The following GALNTL6 variants were observed in gnomAD, a reference collection of about 807,000 sequenced individuals.
GALNTL6 encodes the protein polypeptide N-acetylgalactosaminyltransferase-like 6.
In GALNTL6, 46 loss-of-function variants were observed where a neutral mutation model predicts 73.7. That is an observed-to-expected ratio of 0.62 (90% confidence interval 0.49 to 0.80). The LOEUF is 0.80. Ranked by LOEUF, GALNTL6 falls within the 30% of genes least tolerant of loss-of-function variation. The probability of loss-of-function intolerance (pLI) is 0.00; values close to 1 mark genes in which losing one functional copy is unlikely to be tolerated. For synonymous variants in GALNTL6, 259 were observed against 263.7 expected, an observed-to-expected ratio of 0.98 and a Z score of 0.17; for missense variants, 604 against 755.0, an observed-to-expected ratio of 0.80 and a Z score of 2.34.
intron 5 of GALNTL6, among the ~76,000 whole-genome samples, chr4:172,433,131 T>C (rs190085595): frequency 1.5e-3 from 229 of 152,296 alleles, no homozygotes; most frequent in Non-Finnish European, 1.7e-3. Flanking sequence ...GAATCACAGA[T>C]TATTTCAGGG....
intron 5 of GALNTL6, among the ~76,000 whole-genome samples, chr4:172,787,462 C>T (rs1015916301): frequency 6.6e-6 from 1 of 152,162 alleles, no homozygotes; most frequent in Non-Finnish European, 1.5e-5. Context: ...ATAATAAACG[C>T]TCATTAGGCC....
At chr4:172,222,462 T>C (rs1736710385) in intron 2 of GALNTL6, among the ~76,000 whole-genome samples, 1 of 151,906 alleles carries the variant, frequency 6.6e-6, no homozygotes, top group Admixed American at 6.6e-5. Context: ...ACCCTGTAAT[T>C]TGTGTGGTTA....
intron 5 of GALNTL6, among the ~76,000 whole-genome samples, chr4:172,525,549 A>G (rs1254730612): frequency 6.6e-6 from 1 of 152,164 alleles, no homozygotes; most frequent in Non-Finnish European, 1.5e-5. Flanking sequence ...TATATCCAGC[A>G]TATTACCTCC....
chr4:172,787,916 GATC>G lies in GALNTL6; in HGVS notation c.554-21441_554-21439del, dbSNP rs1739751828. Among the ~76,000 whole-genome samples the G allele has an allele frequency of 2.0e-5, 3 of 152,116 alleles. No individual in the cohort carries two copies. The South Asian group carries it at 6.2e-4, about 32-fold the overall frequency. ...AGATCACAGAACATTAAAGAATAAA[GATC>G]ATCTTTTCAATAATTTTAGAGACAA... is the stretch of plus-strand genomic sequence containing the variant. On this transcript the variant is annotated intron_variant, in intron 5 of 12. Transcript: ENST00000506823.
At chr4:172,248,648 C>A (rs1218693615) in intron 3 of GALNTL6, among the ~76,000 whole-genome samples, 8 of 152,064 alleles carry the variant, frequency 5.3e-5, no homozygotes, top group Non-Finnish European at 1.2e-4. Flanking sequence ...ATTGTAGTTC[C>A]CATAATTCCC....
intron 8 of GALNTL6, among the ~76,000 whole-genome samples, chr4:172,930,871 C>T (rs764917819): frequency 2.5e-4 from 38 of 152,044 alleles, no homozygotes; most frequent in Non-Finnish European, 5.1e-4. Context: ...CGTCATGTTG[C>T]CCAGGCTGGT....
chr4:171,894,730 G>C (rs910090311), intron 2 of GALNTL6, among the ~76,000 whole-genome samples: 1 of 152,040 alleles, frequency 6.6e-6, no homozygotes, highest in Non-Finnish European at 1.5e-5. Context: ...ATACTGAATC[G>C]CCCCAAAATA....
At chr4:172,273,494 A>G (rs1738725373) in intron 3 of GALNTL6, among the ~76,000 whole-genome samples, 1 of 152,206 alleles carries the variant, frequency 6.6e-6, no homozygotes, top group Non-Finnish European at 1.5e-5. Context: ...CTTCTAGGGC[A>G]TGACAATAGA....
At chr4:172,992,674 T>A (rs951670270) in intron 10 of GALNTL6, among the ~76,000 whole-genome samples, 13 of 152,274 alleles carry the variant, frequency 8.5e-5, no homozygotes, top group Admixed American at 8.5e-4. Flanking sequence ...AGCTAATCCA[T>A]CAGAATGCAG....
chr4:172,077,680 G>A (rs1003130452), intron 2 of GALNTL6, among the ~76,000 whole-genome samples: 1 of 152,120 alleles, frequency 6.6e-6, no homozygotes, highest in Admixed American at 6.5e-5. Context: ...TGGAAAAATT[G>A]AACCTAGCCA....
At chr4:172,650,999 C>T (rs1740451607) in intron 5 of GALNTL6, among the ~76,000 whole-genome samples, 1 of 152,032 alleles carries the variant, frequency 6.6e-6, no homozygotes, top group Admixed American at 6.6e-5. Flanking sequence ...TTACTGTATC[C>T]TATTTACTAT....
intron 2 of GALNTL6, among the ~76,000 whole-genome samples, chr4:171,997,277 A>G (rs1000939173): frequency 2.6e-5 from 4 of 152,056 alleles, no homozygotes; most frequent in Non-Finnish European, 5.9e-5. Flanking sequence ...ATCAGCTTTT[A>G]CCACTTCTTG....
chr4:171,904,816 C>A (rs1314417657), intron 2 of GALNTL6, among the ~76,000 whole-genome samples: 1 of 152,158 alleles, frequency 6.6e-6, no homozygotes, highest in East Asian at 1.9e-4. Flanking sequence ...CTCTACATGC[C>A]AGAAGAGAGT....
chr4:172,623,599 C>A (rs1015162518), intron 5 of GALNTL6, among the ~76,000 whole-genome samples: 1 of 152,064 alleles, frequency 6.6e-6, no homozygotes, highest in Non-Finnish European at 1.5e-5. Flanking sequence ...TGTAATCTAG[C>A]CAATCAATAT....
At chr4:172,679,206 G>T (rs1465610240) in intron 5 of GALNTL6, among the ~76,000 whole-genome samples, 1 of 152,204 alleles carries the variant, frequency 6.6e-6, no homozygotes, top group African/African-American at 2.4e-5. Context: ...GAGGCCAGGA[G>T]TTCAAAACCA....
At chr4:172,031,372 G>T (rs1741764079) in intron 2 of GALNTL6, among the ~76,000 whole-genome samples, 1 of 152,036 alleles carries the variant, frequency 6.6e-6, no homozygotes, top group Non-Finnish European at 1.5e-5. Flanking sequence ...CTCCAATGGG[G>T]TACAAGATAG....
chr4:171,834,620 C>A (rs1176419330), intron 2 of GALNTL6, among the ~76,000 whole-genome samples: 1 of 151,900 alleles, frequency 6.6e-6, no homozygotes, highest in Non-Finnish European at 1.5e-5. Flanking sequence ...ACATTTAACA[C>A]ACATTTACAA....
At chr4:172,546,800 A>ATATATATACGCATATATATACT (rs375819985) in intron 5 of GALNTL6, among the ~76,000 whole-genome samples, 14 of 79,536 alleles carry the variant, frequency 1.8e-4, no homozygotes, top group South Asian at 5.4e-4. Context: ...ATATATACGT[A>ATATATATACGCATATATATACT]TATATACGTA....
chr4:172,625,540 C>G (rs976134743), intron 5 of GALNTL6, among the ~76,000 whole-genome samples: 5 of 152,018 alleles, frequency 3.3e-5, no homozygotes, highest in African/African-American at 4.8e-5. Context: ...GATATATACC[C>G]AGTAATAAGA....
Sources: gnomAD v4.1 joint callset for allele counts (sites outside exome capture counted in the v4.1 genomes callset) on GRCh38, gnomAD v4.1.1 for gene constraint, MANE v1.5 for transcripts, NCBI Gene and HGNC (gene_info 2026-07-23, HGNC 2026-07-21) for gene names.